ATP12A: variants seen among roughly 807,000 people sequenced by gnomAD.
ATP12A encodes ATPase H+/K+ transporting non-gastric alpha2 subunit.
Under a neutral mutation model 111.2 loss-of-function variants are expected in ATP12A, and 81 were observed. The observed-to-expected ratio is 0.73, with a 90% CI of 0.61 to 0.88. The LOEUF is 0.88. Among genes scored for constraint, ATP12A ranks in the 40% least tolerant of loss-of-function variants. ATP12A has a pLI of 0.00. For synonymous variants in ATP12A, 498 were observed against 499.8 expected, an observed-to-expected ratio of 1.00 and a Z score of 0.05; for missense variants, 1,196 against 1,313.1, an observed-to-expected ratio of 0.91 and a Z score of 1.38.
Position 24,709,469 on chromosome 13 carries a change from T to A in ATP12A, c.2599T>A (p.Tyr867Asn), listed in dbSNP as rs1276581762. 3.1e-6 allele frequency: 5 copies of A among 1,614,076 alleles called. No individual in the cohort carries two copies. Among genetic ancestry groups the A allele is most frequent in the Non-Finnish European group, 3.4e-6 (4 of 1,180,008 alleles). Residue 867 changes from tyrosine (Y) to asparagine (N), a missense_variant, in exon 18 of 23, where the codon TAC becomes AAC. By Grantham distance (143) the Tyr-to-Asn change is moderately radical. This residue lies in a region of ATP12A where 1,126 missense variants were observed against 1,228.5 expected (regional missense o/e 0.92). Coordinates refer to ENST00000381946, the MANE Select transcript of ATP12A (RefSeq NM_001676.7). The part of the protein sequence containing the change: ...DRLVNQPLAV[Y>N]SYLHIGLMQA... The stretch of plus-strand genomic sequence containing the variant: ...GCTGGTGAACCAGCCGCTCGCTGTG[T>A]ACTCATACCTGCACATTGGTACGAT...
intron 17 of ATP12A, 134 bp from the exon 18 acceptor site, chr13:24,709,230 C>G: frequency 1.9e-6 from 2 of 1,039,296 alleles, no homozygotes; most frequent in Non-Finnish European, 2.7e-6. Context: ...CCTCTACTGC[C>G]TATAGCCTGG....
intron 12 of ATP12A, among the ~76,000 whole-genome samples, chr13:24,699,515 G>T (rs751226974): frequency 1.1e-4 from 17 of 152,240 alleles, no homozygotes; most frequent in Non-Finnish European, 2.4e-4. Context: ...ATGGGAATGG[G>T]AAGGAGAGAT....
Position 24,709,602 on chromosome 13 carries a change from G to A in ATP12A, c.2618-81G>A, listed in dbSNP as rs1875871414. The A allele has an allele frequency of 2.5e-6, 4 of 1,594,848 alleles. No individual in the cohort carries two copies. The Admixed American group carries it at 6.7e-5, about 27-fold the overall frequency. On this transcript the variant is annotated intron_variant, in intron 18 of 22. Transcript: ENST00000381946. ...CTGTGGGGCCTGGGTTGGGGAGGGA[G>A]GGGGAACCGAGAGTAGACAGGATGA...
Position 24,680,469 on chromosome 13 carries a change from G to C in ATP12A, c.-275G>C. The C allele has an allele frequency of 2.3e-6, 1 of 434,034 alleles. No homozygotes were observed. The highest frequency in any genetic ancestry group is 4.2e-5 in the South Asian group (1 of 24,058). The allele number at this position is 434,034 out of a possible 1,614,324, so 26.9% of individuals were successfully genotyped here. On this transcript the variant is annotated 5_prime_UTR_variant, in exon 1 of 23. Coordinates refer to ENST00000381946, the MANE Select transcript of ATP12A (RefSeq NM_001676.7). ...CCCCCTCCCTGCGCGCGCGCCGGCG[G>C]GTTTCCTACCCTCCGAGGCGTCCGC...
intron 17 of ATP12A, among the ~76,000 whole-genome samples, chr13:24,708,864 GAGAA>G (rs1327340508): frequency 2.5e-5 from 3 of 121,772 alleles, no homozygotes; most frequent in Non-Finnish European, 5.6e-5. Context: ...GAGGGAAAGA[GAGAA>G]AGAGAAAGAG....
intron 11 of ATP12A, among the ~76,000 whole-genome samples, chr13:24,695,767 C>T (rs1241993853): frequency 6.6e-6 from 1 of 152,032 alleles, no homozygotes; most frequent in Non-Finnish European, 1.5e-5. Flanking sequence ...ACCCCCTGCC[C>T]AGCTAATTTT....
At chr13:24,682,235 G>T (rs1874498652) in intron 2 of ATP12A, among the ~76,000 whole-genome samples, 1 of 134,286 alleles carries the variant, frequency 7.4e-6, no homozygotes, top group Non-Finnish European at 1.6e-5. Flanking sequence ...TATGTGCATG[G>T]TATGTGTGGT....
chr13:24,683,018 G>A (rs570457506), intron 2 of ATP12A, among the ~76,000 whole-genome samples: 22 of 150,288 alleles, frequency 1.5e-4, no homozygotes, highest in South Asian at 2.1e-4. Flanking sequence ...GTGCAATGGC[G>A]CTATCTAGGC....
At chr13:24,687,258 C>T (rs1040589475) in intron 3 of ATP12A, among the ~76,000 whole-genome samples, 1 of 152,026 alleles carries the variant, frequency 6.6e-6, no homozygotes, top group Non-Finnish European at 1.5e-5. Flanking sequence ...GTCAGGAGTT[C>T]GAAACCAGCC....
At chr13:24,704,475 TGACGTGCACAC>T (rs1157931427) in intron 14 of ATP12A, 1 of 152,352 alleles carries the variant, frequency 6.6e-6, no homozygotes, top group Non-Finnish European at 1.5e-5. Flanking sequence ...CATGTGCTGG[TGACGTGCACAC>T]GACGGTCCTG....
At chr13:24,699,972 A>G (rs1875322238) in intron 12 of ATP12A, among the ~76,000 whole-genome samples, 1 of 152,236 alleles carries the variant, frequency 6.6e-6, no homozygotes, top group Non-Finnish European at 1.5e-5. Flanking sequence ...AATAACCCAC[A>G]GTACCGGGTA....
chr13:24,701,501 C>CAA (rs10586421), intron 13 of ATP12A, among the ~76,000 whole-genome samples: 32 of 101,318 alleles, frequency 3.2e-4, no homozygotes, highest in African/African-American at 7.4e-4. Context: ...AACTCTGTCT[C>CAA]AAAAAAAAAA....
In ATP12A at chr13:24,700,798, T is replaced by C. The variant is rs912513629; in HGVS notation, c.1757T>C (p.Phe586Ser). 4.3e-6 allele frequency: 7 copies of C among 1,614,010 alleles called. No individual in the cohort carries two copies. The African/African-American group carries it at 8.0e-5, about 18-fold the overall frequency. Residue 586 changes from phenylalanine (F) to serine (S), a missense_variant, in exon 13 of 23, where the codon TTT becomes TCT. Phe to Ser is a radical substitution (Grantham distance 155, BLOSUM62 -2). Transcript: ENST00000381946. ...GACGAGTTTCCAGAAACCTACTCAT[T>C]TGACATAGACGCTATGAACTTTCCG... ...PADEFPETYS[F>S]DIDAMNFPTS...
At chr13:24,710,672 A>C in intron 20 of ATP12A, 79 bp downstream of exon 20, 21 of 1,608,498 alleles carry the variant, frequency 1.3e-5, no homozygotes, top group Admixed American at 1.7e-5. Context: ...TTCACAAGAC[A>C]GAGTTCTGGC....
In ATP12A at chr13:24,698,828, C is replaced by T. The variant is rs559369271; in HGVS notation, c.1683C>T (p.Gly561=). The T allele has an allele frequency of 5.5e-4, 888 of 1,613,956 alleles. 17 individuals are homozygous for T. In the South Asian group the frequency reaches 8.6e-3, roughly 16 times the overall value. ...TCCACACAGCCTACATGGAGCTGGG[C>T]GGGTTGGGCGAGCGTGTGCTGGGTG... The part of the protein sequence containing the change: ...KTFHTAYMEL[G]GLGERVLGFC... Residue 561 remains glycine (G), a synonymous_variant, in exon 12 of 23, where the codon GGC becomes GGT. Transcript: ENST00000381946.
chr13:24,701,072 A>C (rs1310864626), intron 13 of ATP12A, 150 bp downstream of exon 13: 1 of 947,602 alleles, frequency 1.1e-6, no homozygotes, highest in Admixed American at 3.0e-5. Flanking sequence ...TGCTAAGGTT[A>C]CTGAAACTGT....
intron 15 of ATP12A, among the ~76,000 whole-genome samples, chr13:24,706,664 C>T (rs1026784895): frequency 2.6e-5 from 4 of 152,176 alleles, no homozygotes; most frequent in East Asian, 3.9e-4. Flanking sequence ...ACATGTTCCC[C>T]GAAAGGCTCA....
Position 24,695,600 on chromosome 13 carries a change from CTT to C in ATP12A, c.1512+1045_1512+1046del, listed in dbSNP as rs34227271. Among the ~76,000 whole-genome samples, 339 of 88,366 alleles carry C rather than the reference CTT, an allele frequency of 3.8e-3. 3 individuals are homozygous for C. Among genetic ancestry groups the C allele is most frequent in the African/African-American group, 0.012 (256 of 20,828 alleles). 58.0% of individuals were successfully genotyped at this position (88,366 alleles called of 152,430 possible). A position where few individuals can be genotyped will look rare whatever the true frequency, so the allele number is the denominator to read the frequency against. Reference sequence around the variant, plus strand: ...TGGAATTTAGGGTTAGGGAAGAACTCTTTTTTTTTTTTTTTTTTTTTTTTGAG... The same window carrying C: ...TGGAATTTAGGGTTAGGGAAGAACTCTTTTTTTTTTTTTTTTTTTTTTGAG... On this transcript the variant is annotated intron_variant, in intron 11 of 22. Coordinates refer to ENST00000381946, the MANE Select transcript of ATP12A (RefSeq NM_001676.7).
chr13:24,706,204 C>T, intron 14 of ATP12A, 109 bp from the exon 15 acceptor site: 1 of 1,436,750 alleles, frequency 7.0e-7, no homozygotes, highest in Non-Finnish European at 9.4e-7. Context: ...ATCAAGGACA[C>T]TGGGTTCCAG....
Sources: gnomAD v4.1 joint callset for allele counts (sites outside exome capture counted in the v4.1 genomes callset) on GRCh38, gnomAD v4.1.1 for gene constraint, gnomAD v4.1.1 regional missense constraint, MANE v1.5 for transcripts, NCBI Gene and HGNC (gene_info 2026-07-23, HGNC 2026-07-21) for gene names.